GIN1: variants seen among roughly 807,000 people sequenced by gnomAD.
GIN1 encodes the protein gypsy retrotransposon integrase 1, also known as gypsy retrotransposon integrase-like protein 1.
Under a neutral mutation model 51.4 loss-of-function variants are expected in GIN1, and 41 were observed. That is an observed-to-expected ratio of 0.80 (90% CI 0.62 to 1.04). The LOEUF (loss-of-function observed/expected upper bound fraction) is 1.04, where lower values mean the gene tolerates loss of function less well. GIN1 is among the 50% of genes least tolerant of loss of function. GIN1 has a pLI of 0.00. For synonymous variants in GIN1, 222 were observed against 206.5 expected (o/e 1.07, Z -0.64); for missense variants, 610 against 612.4 (o/e 1.00, Z 0.04).
chr5:103,090,950 AC>A (rs1787222208), intron 7 of GIN1, among the ~76,000 whole-genome samples: 1 of 152,110 alleles, frequency 6.6e-6, no homozygotes, highest in African/African-American at 2.4e-5. Context: ...AAAAAAGTTA[AC>A]CTTTAAAGTA....
At chr5:103,115,602 G>A (rs1554197318) in intron 1 of GIN1, among the ~76,000 whole-genome samples, 1 of 152,104 alleles carries the variant, frequency 6.6e-6, no homozygotes, top group African/African-American at 2.4e-5. Flanking sequence ...TGGGATGGAT[G>A]GTGGTAATAG....
intron 1 of GIN1, among the ~76,000 whole-genome samples, chr5:103,114,133 G>A (rs1554197160): frequency 2.0e-5 from 3 of 152,108 alleles, no homozygotes; most frequent in Admixed American, 2.0e-4. Context: ...ACTCTGGCTA[G>A]GTGTAATTTC....
chr5:103,110,117 GAT>G (rs1562335091), intron 1 of GIN1, among the ~76,000 whole-genome samples: 1 of 150,980 alleles, frequency 6.6e-6, no homozygotes, highest in African/African-American at 2.4e-5. Context: ...AAATGTGAAA[GAT>G]AAATAACAAT....
chr5:103,116,016 T>C (rs911226459), intron 1 of GIN1, among the ~76,000 whole-genome samples: 2 of 152,102 alleles, frequency 1.3e-5, no homozygotes, highest in Admixed American at 1.3e-4. Flanking sequence ...CTGGAGTAAC[T>C]CCCACTCTAC....
chr5:103,099,507 A>C (rs1166857437), intron 4 of GIN1, among the ~76,000 whole-genome samples: 1 of 152,154 alleles, frequency 6.6e-6, no homozygotes, highest in Non-Finnish European at 1.5e-5. Context: ...AATCCCAAAG[A>C]ATAGGTGTCA....
chr5:103,118,746 GTTGT>G (rs1788175280), intron 1 of GIN1, among the ~76,000 whole-genome samples: 1 of 82,386 alleles, frequency 1.2e-5, no homozygotes, highest in African/African-American at 3.7e-5. Flanking sequence ...GTAAATGAAA[GTTGT>G]TTTTTTTTTT....
intron 1 of GIN1, among the ~76,000 whole-genome samples, chr5:103,113,095 A>T (rs1583134724): frequency 6.6e-6 from 1 of 152,036 alleles, no homozygotes; most frequent in East Asian, 1.9e-4. Context: ...GCCTTAGCTC[A>T]CACTCACCTT....
At chr5:103,106,681 CATT>C (rs781942525) in intron 3 of GIN1, 32 bp downstream of exon 3, 2 of 1,189,438 alleles carry the variant, frequency 1.7e-6, no homozygotes, top group Non-Finnish European at 2.4e-6. Flanking sequence ...ATCAGAAAGA[CATT>C]ATTCATAATA....
intron 7 of GIN1, among the ~76,000 whole-genome samples, chr5:103,091,591 C>A (rs1485812014): frequency 9.9e-5 from 15 of 151,988 alleles, no homozygotes; most frequent in African/African-American, 3.4e-4. Context: ...CTGAATAAGT[C>A]TTTAGTTTCT....
chr5:103,097,008 G>A (rs1320003212), intron 6 of GIN1, among the ~76,000 whole-genome samples, 182 bp from the exon 7 acceptor site: 2 of 152,100 alleles, frequency 1.3e-5, no homozygotes, highest in African/African-American at 2.4e-5. Flanking sequence ...ACTTTATATA[G>A]AAGGTAAACT....
In GIN1 at chr5:103,100,039, G is replaced by A. The variant is rs80151372; in HGVS notation, c.640-2258C>T. Among the ~76,000 whole-genome samples, 1,006 of 151,992 alleles carry A rather than the reference G, an allele frequency of 6.6e-3. 16 individuals carry two copies. Among genetic ancestry groups the A allele is most frequent in the African/African-American group, 0.023 (966 of 41,472 alleles). ...GAACAAGTTTTCCCAATCATATGTCGCTTTTTTGGTTTTTTGTTTAAGCAA... is the reference window on the plus strand; with the variant it reads ...GAACAAGTTTTCCCAATCATATGTCACTTTTTTGGTTTTTTGTTTAAGCAA... On this transcript the variant is annotated intron_variant, in intron 4 of 7. Coordinates refer to ENST00000399004, the MANE Select transcript of GIN1 (RefSeq NM_017676.2).
intron 1 of GIN1, among the ~76,000 whole-genome samples, chr5:103,111,093 C>T (rs139041959): frequency 5.9e-5 from 9 of 152,182 alleles, no homozygotes; most frequent in Non-Finnish European, 7.4e-5. Flanking sequence ...AGCCTTGTGT[C>T]GTTTCAAGTT....
chr5:103,098,689 A>G (rs1348905870), intron 4 of GIN1, among the ~76,000 whole-genome samples: 5 of 151,908 alleles, frequency 3.3e-5, no homozygotes, highest in African/African-American at 1.2e-4. Context: ...AAACTCCTGG[A>G]CTCAAGCAAT....
At position 103,087,863 on chromosome 5, in the gene GIN1, T is replaced by G. The variant is rs782197202; in HGVS notation, c.*35A>C. The G allele has an allele frequency of 2.2e-6, 2 of 893,104 alleles. No individual in the cohort carries two copies. The highest frequency in any genetic ancestry group is 3.3e-6 in the Non-Finnish European group (2 of 598,418). The allele number at this position is 893,104 out of a possible 1,614,324, so 55.3% of individuals were successfully genotyped here. On this transcript the variant is annotated 3_prime_UTR_variant, in exon 8 of 8. Transcript: ENST00000399004. ...ATAAGATATCATTAAGAATTTATAT[T>G]CTAAACAAACAATTTAAATAAATTT...
chr5:103,110,525 T>A (rs1787851335), intron 1 of GIN1, among the ~76,000 whole-genome samples: 1 of 152,008 alleles, frequency 6.6e-6, no homozygotes, highest in South Asian at 2.1e-4. Context: ...GCAATGCAAA[T>A]AAAACCACGA....
chr5:103,100,520 T>A (rs1787541483), intron 4 of GIN1, among the ~76,000 whole-genome samples: 1 of 152,032 alleles, frequency 6.6e-6, no homozygotes, highest in Non-Finnish European at 1.5e-5. Flanking sequence ...GCCTCCTGAG[T>A]TGCTGGGACT....
intron 1 of GIN1, among the ~76,000 whole-genome samples, chr5:103,109,654 C>T (rs1787819482): frequency 1.3e-5 from 2 of 152,004 alleles, no homozygotes; most frequent in Admixed American, 1.3e-4. Context: ...ACCTAAAAAA[C>T]AGGTTAATTA....
At chr5:103,117,622 T>C (rs1397922073) in intron 1 of GIN1, among the ~76,000 whole-genome samples, 4 of 128,824 alleles carry the variant, frequency 3.1e-5, no homozygotes, top group Non-Finnish European at 7.2e-5. Flanking sequence ...TTCATGTAGG[T>C]AGAGTCTGTA....
chr5:103,107,899 C>T (rs1787769867), intron 2 of GIN1, among the ~76,000 whole-genome samples: 2 of 152,002 alleles, frequency 1.3e-5, no homozygotes, highest in Non-Finnish European at 2.9e-5. Flanking sequence ...TGGGGTAAGC[C>T]TAAGAGGCAA....
Sources: gnomAD v4.1 joint callset for allele counts (sites outside exome capture counted in the v4.1 genomes callset) on GRCh38, gnomAD v4.1.1 for gene constraint, MANE v1.5 for transcripts, NCBI Gene and HGNC (gene_info 2026-07-23, HGNC 2026-07-21) for gene names.